The following TTC7B variants were observed in gnomAD, a reference collection of about 807,000 sequenced individuals.
TTC7B encodes tetratricopeptide repeat domain 7B.
Under a neutral mutation model 106.8 loss-of-function variants are expected in TTC7B, and 28 were observed. The observed-to-expected ratio is 0.26, with a 90% CI of 0.19 to 0.36. TTC7B has a LOEUF of 0.36. Ranked by LOEUF, TTC7B falls within the 10% of genes least tolerant of loss-of-function variation. The pLI is 1.00. For synonymous variants in TTC7B, 405 were observed against 430.6 expected (o/e 0.94, Z 0.74); for missense variants, 862 against 1,076.4 (o/e 0.80, Z 2.79).
chr14:90,593,727 C>A (rs1457677510), intron 17 of TTC7B, 101 bp from the exon 18 acceptor site: 4 of 1,186,984 alleles, frequency 3.4e-6, no homozygotes, highest in Non-Finnish European at 4.5e-6. Flanking sequence ...CACACCCCTT[C>A]CCCCATGATG....
At chr14:90,581,293 G>C (rs915212105) in intron 18 of TTC7B, among the ~76,000 whole-genome samples, 3 of 152,146 alleles carry the variant, frequency 2.0e-5, no homozygotes, top group Non-Finnish European at 2.9e-5. Context: ...CAACTCAGAA[G>C]GTAACTCCTG....
At chr14:90,701,917 T>C (rs969630846) in intron 5 of TTC7B, among the ~76,000 whole-genome samples, 2 of 151,766 alleles carry the variant, frequency 1.3e-5, no homozygotes, top group Admixed American at 6.6e-5. Context: ...TGAGTCCTCA[T>C]GAACTTGTAT....
At chr14:90,599,412 G>A (rs1372779979) in intron 17 of TTC7B, among the ~76,000 whole-genome samples, 2 of 152,168 alleles carry the variant, frequency 1.3e-5, no homozygotes, top group Non-Finnish European at 2.9e-5. Flanking sequence ...GTGACTTGGC[G>A]AGCATTCCAG....
intron 2 of TTC7B, among the ~76,000 whole-genome samples, chr14:90,785,798 T>C (rs1891366841): frequency 6.6e-6 from 1 of 152,202 alleles, no homozygotes; most frequent in Admixed American, 6.5e-5. Flanking sequence ...CTTACATTGA[T>C]GAGCAGGAAG....
rs1281792866 is a variant in TTC7B, at chr14:90,581,207, C to G, written c.2108-2899G>C. 3.3e-5 allele frequency among the ~76,000 whole-genome samples: 5 copies of G among 152,316 alleles called. No individual in the cohort carries two copies. In the South Asian group the frequency reaches 1.0e-3, roughly 32 times the overall value. On this transcript the variant is annotated intron_variant, in intron 18 of 19. Coordinates refer to ENST00000328459, the MANE Select transcript of TTC7B (RefSeq NM_001010854.2). Reference sequence around the variant, plus strand: ...GGTGACTCCTGCAGACACAGAAACTCGAGCAATTCCAGCACCATGCACTGA... The same window carrying G: ...GGTGACTCCTGCAGACACAGAAACTGGAGCAATTCCAGCACCATGCACTGA...
At chr14:90,595,981 T>A (rs1289421201) in intron 17 of TTC7B, among the ~76,000 whole-genome samples, 1 of 152,182 alleles carries the variant, frequency 6.6e-6, no homozygotes, top group Non-Finnish European at 1.5e-5. Context: ...TCCAGGAAGA[T>A]CTTGTTCTCT....
chr14:90,589,289 G>A (rs1891855560), intron 18 of TTC7B, among the ~76,000 whole-genome samples: 1 of 152,156 alleles, frequency 6.6e-6, no homozygotes, highest in African/African-American at 2.4e-5. Flanking sequence ...CAGTATCCAT[G>A]GGGAATTGGT....
intron 15 of TTC7B, among the ~76,000 whole-genome samples, chr14:90,627,865 T>C (rs1270140172): frequency 1.3e-5 from 2 of 152,210 alleles, no homozygotes; most frequent in African/African-American, 4.8e-5. Context: ...TCCACTCAGA[T>C]TGGCATCCAG....
At chr14:90,697,472 T>A (rs1260437891) in intron 5 of TTC7B, 2 of 152,166 alleles carry the variant, frequency 1.3e-5, no homozygotes, top group South Asian at 4.1e-4. Context: ...GAAGTGTAAC[T>A]CTAGAGGAAG....
intron 4 of TTC7B, among the ~76,000 whole-genome samples, 170 bp from the exon 5 acceptor site, chr14:90,730,366 T>G (rs1241373398): frequency 6.6e-6 from 1 of 152,004 alleles, no homozygotes; most frequent in Non-Finnish European, 1.5e-5. Flanking sequence ...GAGAGAATGG[T>G]TCTACTAGAC....
intron 9 of TTC7B, among the ~76,000 whole-genome samples, chr14:90,662,053 G>C (rs1442921903): frequency 6.6e-6 from 1 of 152,206 alleles, no homozygotes; most frequent in Non-Finnish European, 1.5e-5. Context: ...AGATCACTTG[G>C]GGAGCATCTA....
At chr14:90,736,386 C>T (rs573705526) in intron 4 of TTC7B, among the ~76,000 whole-genome samples, 1 of 152,096 alleles carries the variant, frequency 6.6e-6, no homozygotes, top group South Asian at 2.1e-4. Flanking sequence ...GCCTGGCCAA[C>T]ATGGTGAAAC....
chr14:90,611,016 T>A (rs1028172247), intron 16 of TTC7B, among the ~76,000 whole-genome samples, 177 bp from the exon 17 acceptor site: 2 of 152,206 alleles, frequency 1.3e-5, no homozygotes, highest in African/African-American at 4.8e-5. Flanking sequence ...GGGCTGCGAT[T>A]CCTTTCAGTG....
intron 19 of TTC7B, among the ~76,000 whole-genome samples, chr14:90,571,324 A>G (rs923324494): frequency 1.3e-5 from 2 of 152,200 alleles, no homozygotes; most frequent in African/African-American, 4.8e-5. Context: ...TCGAAGATGA[A>G]GTGTCCAGTA....
chr14:90,566,274 G>A (rs1354602539), intron 19 of TTC7B, among the ~76,000 whole-genome samples: 8 of 151,996 alleles, frequency 5.3e-5, no homozygotes, highest in Non-Finnish European at 1.0e-4. Context: ...AACCTGGGAG[G>A]CGGAGGTTGC....
At chr14:90,580,321 A>G (rs1286484) in intron 18 of TTC7B, among the ~76,000 whole-genome samples, 48,168 of 152,176 alleles carry the variant, frequency 0.32, 9,058 homozygotes, top group African/African-American at 0.54. Flanking sequence ...CATTTTATCT[A>G]CATGGTGATC....
intron 18 of TTC7B, among the ~76,000 whole-genome samples, chr14:90,581,834 C>G (rs1249334278): frequency 6.6e-6 from 1 of 152,204 alleles, no homozygotes; most frequent in East Asian, 1.9e-4. Flanking sequence ...GTCGCCAAGC[C>G]TGCCTAAGCC....
chr14:90,765,863 C>T (rs1307661138), intron 3 of TTC7B, among the ~76,000 whole-genome samples: 1 of 152,168 alleles, frequency 6.6e-6, no homozygotes. Context: ...CTGCACCTCC[C>T]TTCATTATTG....
chr14:90,804,000 A>C (rs1490575974), intron 1 of TTC7B, among the ~76,000 whole-genome samples: 1 of 152,008 alleles, frequency 6.6e-6, no homozygotes, highest in Admixed American at 6.6e-5. Context: ...TCAGGAAGCC[A>C]GCTCCACACA....
Sources: allele counts gnomAD v4.1 joint callset (sites outside exome capture counted in the v4.1 genomes callset), GRCh38; gene constraint gnomAD v4.1.1; transcripts MANE v1.5; gene names NCBI Gene and HGNC (gene_info 2026-07-23, HGNC 2026-07-21).